Variants in GREB1 observed in about 807,000 individuals in gnomAD.
GREB1 encodes protein GREB1.
Under a neutral mutation model 200.7 loss-of-function variants are expected in GREB1, and 106 were observed. The observed-to-expected ratio is 0.53, with a 90% CI of 0.45 to 0.62. The LOEUF is 0.62. Ranked by LOEUF, GREB1 falls within the 20% of genes least tolerant of loss-of-function variation. The probability of loss-of-function intolerance (pLI) is 0.00; values close to 1 mark genes in which losing one functional copy is unlikely to be tolerated. For synonymous variants in GREB1, 1,132 were observed against 1,092.4 expected, an observed-to-expected ratio of 1.04 and a Z score of -0.72; for missense variants, 2,243 against 2,556.8, an observed-to-expected ratio of 0.88 and a Z score of 2.65.
chr2:11,582,516 G>A (rs1320228984), intron 7 of GREB1, among the ~76,000 whole-genome samples: 1 of 152,236 alleles, frequency 6.6e-6, no homozygotes, highest in East Asian at 1.9e-4. Context: ...CCTTTCTGAG[G>A]TTAGTTCAGG....
intron 1 of GREB1, among the ~76,000 whole-genome samples, chr2:11,546,438 T>C (rs1675286649): frequency 6.6e-6 from 1 of 152,226 alleles, no homozygotes; most frequent in African/African-American, 2.4e-5. Context: ...ATGGACCACA[T>C]GTTTTTATAT....
At chr2:11,636,030 C>T (rs1224908908) in intron 30 of GREB1, among the ~76,000 whole-genome samples, 1 of 152,224 alleles carries the variant, frequency 6.6e-6, no homozygotes, top group African/African-American at 2.4e-5. Context: ...CTTTCCCAGG[C>T]TCTATCCCTC....
intron 1 of GREB1, among the ~76,000 whole-genome samples, chr2:11,516,737 A>G (rs560771439): frequency 6.6e-5 from 10 of 152,164 alleles, no homozygotes; most frequent in Non-Finnish European, 1.5e-5. Context: ...GGCGCCGTCC[A>G]TCTAAGGGAA....
chr2:11,540,651 TC>T (rs1203641734), intron 1 of GREB1: 1 of 154,478 alleles, frequency 6.5e-6, no homozygotes, highest in Admixed American at 6.5e-5. Flanking sequence ...TAGACACCAG[TC>T]GCCTCTCAGC....
chr2:11,499,270 G>T (rs889170452), intron 1 of GREB1, among the ~76,000 whole-genome samples: 2 of 152,250 alleles, frequency 1.3e-5, no homozygotes, highest in Non-Finnish European at 2.9e-5. Flanking sequence ...AGGTCTTTGT[G>T]TGTGGGTGCA....
intron 18 of GREB1, 86 bp from the exon 19 acceptor site, chr2:11,612,409 G>C: frequency 6.7e-7 from 1 of 1,495,986 alleles, no homozygotes; most frequent in Non-Finnish European, 9.1e-7. Context: ...GTTTAAATTG[G>C]TGTGGGAGGC....
chr2:11,569,892 G>C (rs571464126), intron 4 of GREB1, among the ~76,000 whole-genome samples: 2 of 152,230 alleles, frequency 1.3e-5, no homozygotes, highest in East Asian at 3.9e-4. Context: ...GCGGGGTGGG[G>C]TGCCCAGCTG....
At chr2:11,576,693 G>A (rs778059094) in intron 5 of GREB1, among the ~76,000 whole-genome samples, 158 bp downstream of exon 5, 38 of 152,212 alleles carry the variant, frequency 2.5e-4, no homozygotes, top group Admixed American at 4.6e-4. Flanking sequence ...TTTGCGTTAC[G>A]GGCGTTAAGC....
In GREB1 at chr2:11,600,994, A is replaced by G. The variant is rs767398917; in HGVS notation, c.2528A>G (p.Asn843Ser). The G allele has an allele frequency of 8.7e-6, 14 of 1,606,934 alleles. No homozygotes were observed. The highest frequency in any genetic ancestry group is 1.2e-5 in the Non-Finnish European group (14 of 1,174,332). Residue 843 changes from asparagine (N) to serine (S), a missense_variant and splice_region_variant, in exon 16 of 33, where the codon AAT (asparagine) becomes AGT (serine). Physicochemically the swap from Asn to Ser is conservative, Grantham distance 46 (BLOSUM62 1). Coordinates refer to ENST00000381486, the MANE Select transcript of GREB1 (RefSeq NM_014668.4). ...NEIHWPASCSNGVDLYHENKK... is the reference protein window; with the variant it reads ...NEIHWPASCSSGVDLYHENKK... ...ATCCACTGGCCTGCCTCCTGCAGTA[A>G]TGTGAGTGCCACGGGGCTGCTGGGC...
rs200426230 is a variant in GREB1 at position 11,607,483 on chromosome 2, C to CAT, written c.2667-3197_2667-3196dup. Among the ~76,000 whole-genome samples the CAT allele has an allele frequency of 4.5e-4, 63 of 141,394 alleles. 1 individual carries two copies. The highest frequency in any genetic ancestry group is 3.1e-3 in the South Asian group (14 of 4,518). 92.8% of individuals were successfully genotyped at this position (141,394 alleles called of 152,430 possible). ...GTGTATATATATATACACACACATA[C>CAT]ATATATATACACATATATATACATA... is the stretch of plus-strand genomic sequence containing the variant. On this transcript the variant is annotated intron_variant, in intron 17 of 32. Transcript: ENST00000381486.
At chr2:11,486,126 G>A (rs1214668142) in intron 1 of GREB1, among the ~76,000 whole-genome samples, 2 of 152,142 alleles carry the variant, frequency 1.3e-5, no homozygotes, top group African/African-American at 4.8e-5. Flanking sequence ...TAACCATTAG[G>A]GCTGACTTTG....
chr2:11,626,965 G>A lies in GREB1; in HGVS notation c.4310G>A (p.Arg1437Lys), dbSNP rs1558658830. 2 of 1,614,182 alleles carry A rather than the reference G, an allele frequency of 1.2e-6. No homozygotes were observed. The highest frequency in any genetic ancestry group is 8.5e-7 in the Non-Finnish European group (1 of 1,179,998). Reference sequence around the variant, plus strand: ...AATCCTGGGGAATTTGGTGCAGACAGAGGGATGTCCCGGAAGCCGGAGGAC... The same window carrying A: ...AATCCTGGGGAATTTGGTGCAGACAAAGGGATGTCCCGGAAGCCGGAGGAC... ...SHYQGIKSEDRGMSRKPEDLY... is the reference protein window; with the variant it reads ...SHYQGIKSEDKGMSRKPEDLY... The change falls in exon 25 of 33, where the codon AGA becomes AAA. Residue 1437 changes from arginine to lysine, a missense_variant. Physicochemically the swap from Arg to Lys is conservative, Grantham distance 26 (BLOSUM62 2). This residue lies in a region of GREB1 where 587 missense variants were observed against 553.1 expected (regional missense o/e 1.06). Transcript: ENST00000381486.
chr2:11,484,398 C>A (rs1443413674), intron 1 of GREB1, among the ~76,000 whole-genome samples: 2 of 152,094 alleles, frequency 1.3e-5, no homozygotes, highest in Non-Finnish European at 2.9e-5. Flanking sequence ...CAGTTCCCAG[C>A]TGCAGTTCAT....
intron 2 of GREB1, among the ~76,000 whole-genome samples, chr2:11,559,795 G>A (rs1255530153): frequency 6.6e-6 from 1 of 152,218 alleles, no homozygotes; most frequent in Non-Finnish European, 1.5e-5. Context: ...CAGGAAGAAA[G>A]CATCTGAAGC....
At chr2:11,488,465 A>T (rs1286494116) in intron 1 of GREB1, among the ~76,000 whole-genome samples, 1 of 152,128 alleles carries the variant, frequency 6.6e-6, no homozygotes. Flanking sequence ...TTGATCAGGA[A>T]CTCTGACTGA....
chr2:11,602,468 C>G lies in GREB1; in HGVS notation c.2592C>G (p.Thr864=). The G allele has an allele frequency of 6.2e-7, 1 of 1,612,520 alleles. No homozygotes were observed. The highest frequency in any genetic ancestry group is 1.1e-5 in the South Asian group (1 of 91,038). Residue 864 remains threonine (T), a synonymous_variant, in exon 17 of 33, where the codon ACC becomes ACG. Coordinates refer to ENST00000381486, the MANE Select transcript of GREB1 (RefSeq NM_014668.4). The part of the protein sequence containing the change: ...YFGLSEFIES[T]LSGHSLPLLR... ...GGCTGTCGGAGTTTATTGAATCCAC[C>G]CTTTCAGGACACAGCCTCCCCTTGC...
At chr2:11,630,458 G>A (rs936666855) in intron 26 of GREB1, among the ~76,000 whole-genome samples, 4 of 152,200 alleles carry the variant, frequency 2.6e-5, no homozygotes, top group African/African-American at 7.2e-5. Context: ...CAGGAGCTGG[G>A]TAGACGTTCA....
chr2:11,604,244 G>A (rs905200154), intron 17 of GREB1, among the ~76,000 whole-genome samples: 11 of 152,206 alleles, frequency 7.2e-5, no homozygotes, highest in Non-Finnish European at 1.5e-4. Flanking sequence ...CATGCTGAGA[G>A]CTCAGGCTCC....
chr2:11,507,753 G>A (rs1377420310), intron 1 of GREB1, among the ~76,000 whole-genome samples: 1 of 152,190 alleles, frequency 6.6e-6, no homozygotes, highest in African/African-American at 2.4e-5. Context: ...CCCAACAGCT[G>A]TGTTCATACT....
Sources: allele counts gnomAD v4.1 joint callset (sites outside exome capture counted in the v4.1 genomes callset), GRCh38; gene constraint gnomAD v4.1.1; regional missense constraint gnomAD v4.1.1; transcripts MANE v1.5; gene names NCBI Gene and HGNC (gene_info 2026-07-23, HGNC 2026-07-21).